WDR47: variants seen among roughly 807,000 people sequenced by gnomAD.
The protein encoded by WDR47 is WD repeat domain 47.
WDR47 carries 32 observed loss-of-function variants against 97.2 expected under a neutral mutation model. The observed-to-expected ratio is 0.33, with a 90% CI of 0.25 to 0.44. WDR47 has a LOEUF of 0.44. Among genes scored for constraint, WDR47 ranks in the 20% least tolerant of loss-of-function variants. WDR47 has a pLI of 1.00. For synonymous variants in WDR47, 375 were observed against 373.5 expected, an observed-to-expected ratio of 1.00 and a Z score of -0.05; for missense variants, 782 against 1,102.3, an observed-to-expected ratio of 0.71 and a Z score of 4.11.
chr1:109,009,038 T>C (rs978535278), intron 5 of WDR47, among the ~76,000 whole-genome samples: 8 of 151,976 alleles, frequency 5.3e-5, no homozygotes, highest in East Asian at 1.9e-4. Context: ...TGAGCCGGGA[T>C]TGTGCCACTG....
chr1:109,005,613 G>A lies in WDR47; in HGVS notation c.1131-898C>T, dbSNP rs933200767. Among the ~76,000 whole-genome samples, 3 of 151,888 alleles carry A rather than the reference G, an allele frequency of 2.0e-5. No individual in the cohort carries two copies. In the South Asian group the frequency reaches 6.2e-4, roughly 32 times the overall value. ...GGGTGGGCCGGGCACAGTGGCTTAC[G>A]CCTGTAATCCCAGCACTTTAGGAGG... On this transcript the variant is annotated intron_variant, in intron 5 of 14. Transcript: ENST00000369962.
chr1:108,980,152 C>T (rs956898060), intron 13 of WDR47, among the ~76,000 whole-genome samples: 2 of 151,842 alleles, frequency 1.3e-5, no homozygotes, highest in Non-Finnish European at 2.9e-5. Context: ...CTGTCTTCCA[C>T]GAAACTGATT....
At chr1:109,030,412 T>C (rs913027522) in intron 1 of WDR47, 10 of 389,210 alleles carry the variant, frequency 2.6e-5, no homozygotes, top group African/African-American at 1.7e-4. Context: ...AAAAATTAAA[T>C]GTTCATCTGC....
intron 3 of WDR47, among the ~76,000 whole-genome samples, chr1:109,014,975 T>C (rs1214490737): frequency 2.0e-5 from 3 of 152,150 alleles, no homozygotes; most frequent in East Asian, 1.9e-4. Flanking sequence ...TAATAAATTA[T>C]ATGAAATATT....
intron 5 of WDR47, among the ~76,000 whole-genome samples, chr1:109,006,700 C>T (rs1458197187): frequency 2.0e-5 from 3 of 152,126 alleles, no homozygotes; most frequent in African/African-American, 4.8e-5. Flanking sequence ...GAAAATAGAG[C>T]TTGAACTTGA....
intron 7 of WDR47, among the ~76,000 whole-genome samples, chr1:108,999,545 A>T (rs1366116549): frequency 1.3e-5 from 2 of 151,966 alleles, no homozygotes; most frequent in Non-Finnish European, 2.9e-5. Context: ...CTCTACAAAA[A>T]ATATAAAAAT....
At chr1:109,038,997 T>A (rs770813431) in intron 1 of WDR47, among the ~76,000 whole-genome samples, 1 of 150,420 alleles carries the variant, frequency 6.6e-6, no homozygotes, top group Non-Finnish European at 1.5e-5. Flanking sequence ...ACAATAATAA[T>A]AAATAAATAA....
chr1:109,040,265 A>C (rs1663264109), intron 1 of WDR47, among the ~76,000 whole-genome samples: 1 of 152,220 alleles, frequency 6.6e-6, no homozygotes, highest in Non-Finnish European at 1.5e-5. Context: ...AAAACTGCAC[A>C]TCTTTTCATA....
chr1:109,022,932 C>T (rs1211644476), intron 2 of WDR47, among the ~76,000 whole-genome samples: 4 of 149,318 alleles, frequency 2.7e-5, no homozygotes, highest in Non-Finnish European at 5.9e-5. Context: ...AGGTCGGGTG[C>T]GGTGGCTCAC....
At chr1:108,984,870 C>CT (rs574048769) in intron 10 of WDR47, among the ~76,000 whole-genome samples, 142 of 152,230 alleles carry the variant, frequency 9.3e-4, no homozygotes, top group African/African-American at 3.2e-3. Flanking sequence ...GAGTGAGACT[C>CT]TGTCTCAAAA....
At chr1:109,005,966 G>A (rs1660579510) in intron 5 of WDR47, among the ~76,000 whole-genome samples, 1 of 152,102 alleles carries the variant, frequency 6.6e-6, no homozygotes, top group Non-Finnish European at 1.5e-5. Context: ...ATAGGCTGAT[G>A]AATACAAATA....
At chr1:108,983,211 G>T in intron 11 of WDR47, 71 bp downstream of exon 11, 1 of 1,374,982 alleles carries the variant, frequency 7.3e-7, no homozygotes, top group Non-Finnish European at 9.6e-7. Context: ...AGACAATACA[G>T]AAATACAACA....
At chr1:108,992,267 A>C in intron 8 of WDR47, 1 of 902,572 alleles carries the variant, frequency 1.1e-6, no homozygotes, top group Non-Finnish European at 1.9e-6. Context: ...AAGCAGCCTG[A>C]GGTAATCTGT....
chr1:109,002,467 A>G (rs1660289395), intron 6 of WDR47, 65 bp from the exon 7 acceptor site: 1 of 1,225,070 alleles, frequency 8.2e-7, no homozygotes. Context: ...TCTTAACAGT[A>G]CCTTTTATAA....
At chr1:108,982,196 C>T (rs1025996) in intron 12 of WDR47, among the ~76,000 whole-genome samples, 16,528 of 152,024 alleles carry the variant, frequency 0.11, 1,063 homozygotes, top group African/African-American at 0.16. Context: ...AATAGATTGA[C>T]AATTTTAAAA....
At chr1:109,006,128 C>T (rs1230560585) in intron 5 of WDR47, among the ~76,000 whole-genome samples, 3 of 152,048 alleles carry the variant, frequency 2.0e-5, no homozygotes, top group East Asian at 3.9e-4. Context: ...GGCACAGTGG[C>T]TCACATCTGT....
At chr1:109,009,522 AC>A (rs1660876764) in intron 5 of WDR47, among the ~76,000 whole-genome samples, 1 of 152,240 alleles carries the variant, frequency 6.6e-6, no homozygotes, top group South Asian at 2.1e-4. Flanking sequence ...AGTAGAAACA[AC>A]CTGGTATCCT....
chr1:108,979,915 C>A (rs1399758589), intron 13 of WDR47, among the ~76,000 whole-genome samples: 1 of 152,164 alleles, frequency 6.6e-6, no homozygotes, highest in East Asian at 1.9e-4. Context: ...GGCACCGGGC[C>A]ACACAGCACG....
Position 109,009,490 on chromosome 1 carries a change from C to T in WDR47, c.1130+1426G>A, listed in dbSNP as rs146007711. On this transcript the variant is annotated intron_variant, in intron 5 of 14. Transcript: ENST00000369962. The stretch of plus-strand genomic sequence containing the variant: ...TTTTAAGTTCTAGTTGTTCACTACA[C>T]TACTATGTACAGGAGAAAAAAAGTA... 6.1e-3 allele frequency among the ~76,000 whole-genome samples: 933 copies of T among 152,220 alleles called. 2 individuals carry two copies. The highest frequency in any genetic ancestry group is 0.021 in the African/African-American group (860 of 41,534).
Sources: gnomAD v4.1 joint callset for allele counts (sites outside exome capture counted in the v4.1 genomes callset) on GRCh38, gnomAD v4.1.1 for gene constraint, MANE v1.5 for transcripts, NCBI Gene and HGNC (gene_info 2026-07-23, HGNC 2026-07-21) for gene names.